Variants in MGAT4A observed in about 807,000 individuals in gnomAD.
The protein encoded by MGAT4A is alpha-1,3-mannosyl-glycoprotein 4-beta-N-acetylglucosaminyltransferase A.
MGAT4A carries 33 observed loss-of-function variants against 74.1 expected under a neutral mutation model. That is an observed-to-expected ratio of 0.45 (90% CI 0.34 to 0.60). The LOEUF is 0.60. MGAT4A is among the 20% of genes least tolerant of loss of function. MGAT4A has a pLI of 0.02. For missense variants in MGAT4A, 479 were observed against 628.3 expected (o/e 0.76, Z 2.54); for synonymous variants, 198 against 210.4 (o/e 0.94, Z 0.51).
intron 2 of MGAT4A, among the ~76,000 whole-genome samples, chr2:98,723,534 G>A (rs1202307122): frequency 1.3e-5 from 2 of 152,162 alleles, no homozygotes; most frequent in African/African-American, 4.8e-5. Context: ...TCCTCGTGTT[G>A]TCTGTTGGTG....
At chr2:98,728,118 C>A (rs558539663) in intron 1 of MGAT4A, among the ~76,000 whole-genome samples, 1 of 152,246 alleles carries the variant, frequency 6.6e-6, no homozygotes, top group Admixed American at 6.5e-5. Context: ...AATTATATAA[C>A]ACACACTGAT....
rs947818543 is a variant in MGAT4A, at chr2:98,669,408, G to A, written c.403+5627C>T. On this transcript the variant is annotated intron_variant, in intron 4 of 15. Transcript: ENST00000393487. Reference sequence around the variant, plus strand: ...TGTGACTTGCTCCTCCTTGCCTTCCGCCATGATTGTGAGGCCGCCCCAGCC... The same window carrying A: ...TGTGACTTGCTCCTCCTTGCCTTCCACCATGATTGTGAGGCCGCCCCAGCC... Among the ~76,000 whole-genome samples the A allele has an allele frequency of 5.3e-5, 8 of 152,064 alleles. No individual in the cohort carries two copies. The South Asian group carries it at 1.0e-3, about 20-fold the overall frequency.
At chr2:98,649,053 A>T (rs1701537452) in intron 8 of MGAT4A, among the ~76,000 whole-genome samples, 1 of 152,200 alleles carries the variant, frequency 6.6e-6, no homozygotes, top group Admixed American at 6.5e-5. Flanking sequence ...AAGAATGTTC[A>T]TTGAATTTGA....
At chr2:98,631,686 T>C (rs1029312157) in intron 14 of MGAT4A, among the ~76,000 whole-genome samples, 23 of 152,198 alleles carry the variant, frequency 1.5e-4, no homozygotes, top group African/African-American at 5.3e-4. Context: ...ATCTCCCTTC[T>C]GGCTCCCCCA....
intron 5 of MGAT4A, among the ~76,000 whole-genome samples, chr2:98,658,873 G>A (rs1202282740): frequency 6.6e-6 from 1 of 152,148 alleles, no homozygotes; most frequent in African/African-American, 2.4e-5. Context: ...TTATGAACAA[G>A]TCAAAATTCT....
chr2:98,625,665 T>A, intron 15 of MGAT4A, 58 bp downstream of exon 15: 1 of 1,564,702 alleles, frequency 6.4e-7, no homozygotes. Flanking sequence ...AAATACAAAA[T>A]AAAAACATAA....
chr2:98,647,103 A>G (rs963621427), intron 8 of MGAT4A, among the ~76,000 whole-genome samples: 5 of 152,270 alleles, frequency 3.3e-5, no homozygotes, highest in African/African-American at 1.2e-4. Context: ...TAAGAGCATT[A>G]GCAATTACAG....
Position 98,666,715 on chromosome 2 carries a change from G to A in MGAT4A, c.404-3536C>T, listed in dbSNP as rs184282938. Among the ~76,000 whole-genome samples the A allele has an allele frequency of 4.6e-3, 705 of 151,892 alleles. 3 individuals carry two copies. The highest frequency in any genetic ancestry group is 0.02 in the Middle Eastern group (6 of 294). On this transcript the variant is annotated intron_variant, in intron 4 of 15. Transcript: ENST00000393487. The stretch of plus-strand genomic sequence containing the variant: ...CTCAAAAAAAAAAAAAATTACCAGC[G>A]TAACAACTAGGATGAGGAGCATTCC...
At chr2:98,637,594 G>A (rs1418227068) in intron 12 of MGAT4A, among the ~76,000 whole-genome samples, 1 of 152,084 alleles carries the variant, frequency 6.6e-6, no homozygotes, top group Non-Finnish European at 1.5e-5. Context: ...TGTGGGGAAG[G>A]GAGGAAACTA....
intron 8 of MGAT4A, among the ~76,000 whole-genome samples, chr2:98,650,535 GA>G (rs1701561089): frequency 6.6e-6 from 1 of 152,318 alleles, no homozygotes; most frequent in South Asian, 2.1e-4. Context: ...ATTATCAGCA[GA>G]TTTCCCAGAA....
At chr2:98,719,767 C>A (rs1649739981) in intron 2 of MGAT4A, among the ~76,000 whole-genome samples, 1 of 152,180 alleles carries the variant, frequency 6.6e-6, no homozygotes, top group Non-Finnish European at 1.5e-5. Context: ...CTTGCCTCAG[C>A]CTCCCCAGTA....
At chr2:98,717,103 G>A (rs1702603212) in intron 2 of MGAT4A, among the ~76,000 whole-genome samples, 1 of 152,156 alleles carries the variant, frequency 6.6e-6, no homozygotes. Flanking sequence ...GAAAGGGCCA[G>A]GCATGGTGGC....
chr2:98,666,983 A>G (rs1268301483), intron 4 of MGAT4A, among the ~76,000 whole-genome samples: 1 of 152,152 alleles, frequency 6.6e-6, no homozygotes, highest in Non-Finnish European at 1.5e-5. Flanking sequence ...GGAGGGACCC[A>G]GTGGGAGGTA....
chr2:98,691,324 C>T (rs1702191879), intron 2 of MGAT4A, among the ~76,000 whole-genome samples: 1 of 151,978 alleles, frequency 6.6e-6, no homozygotes, highest in Admixed American at 6.6e-5. Context: ...TAACGTAGTC[C>T]CAGCTACTAG....
Position 98,726,361 on chromosome 2 carries a change from G to A in MGAT4A, c.-29C>T, listed in dbSNP as rs748395858. 3 of 1,584,030 alleles carry A rather than the reference G, an allele frequency of 1.9e-6. No individual in the cohort carries two copies. In the Admixed American group the frequency reaches 5.1e-5, roughly 27 times the overall value. On this transcript the variant is annotated 5_prime_UTR_variant, in exon 2 of 16. Transcript: ENST00000393487. Reference sequence around the variant, plus strand: ...ATTTCACCATCACACTGGTCCATATGTTTATGATGACAACAACCAGGACTG... The same window carrying A: ...ATTTCACCATCACACTGGTCCATATATTTATGATGACAACAACCAGGACTG...
intron 2 of MGAT4A, among the ~76,000 whole-genome samples, chr2:98,691,447 A>AT (rs1010229956): frequency 4.6e-5 from 7 of 152,054 alleles, no homozygotes; most frequent in Non-Finnish European, 1.0e-4. Flanking sequence ...TCAAAAAAAA[A>AT]AAAGATTATA....
chr2:98,723,501 A>G (rs576310972), intron 2 of MGAT4A, among the ~76,000 whole-genome samples: 1 of 152,288 alleles, frequency 6.6e-6, no homozygotes, highest in East Asian at 1.9e-4. Context: ...CCTGCTCATT[A>G]AAACAGCATG....
chr2:98,688,724 C>T (rs1387642648), intron 2 of MGAT4A, among the ~76,000 whole-genome samples: 1 of 152,120 alleles, frequency 6.6e-6, no homozygotes, highest in Non-Finnish European at 1.5e-5. Context: ...GTATTCTTTA[C>T]GAGTCAGGTC....
chr2:98,703,358 G>A (rs550055163), intron 2 of MGAT4A, among the ~76,000 whole-genome samples: 1 of 152,148 alleles, frequency 6.6e-6, no homozygotes, highest in Admixed American at 6.5e-5. Context: ...GAAGAACAGA[G>A]AGAAAAAAGA....
Sources: allele counts gnomAD v4.1 joint callset (sites outside exome capture counted in the v4.1 genomes callset), GRCh38; gene constraint gnomAD v4.1.1; transcripts MANE v1.5; gene names NCBI Gene and HGNC (gene_info 2026-07-23, HGNC 2026-07-21).